Variants in TLN1 observed in about 807,000 individuals in gnomAD.
TLN1 encodes the protein talin-1.
A neutral mutation model predicts 292.3 loss-of-function variants in TLN1; 56 were observed. That is an observed-to-expected ratio of 0.19 (90% CI 0.15 to 0.24). TLN1 has a LOEUF of 0.24. Ranked by LOEUF, TLN1 falls within the 10% of genes least tolerant of loss-of-function variation. The pLI is 1.00. For missense variants in TLN1, 2,433 were observed against 3,248.2 expected, an observed-to-expected ratio of 0.75 and a Z score of 6.10; for synonymous variants, 1,119 against 1,253.7, an observed-to-expected ratio of 0.89 and a Z score of 2.27.
At chr9:35,721,928 G>T in intron 9 of TLN1, 125 bp from the exon 10 acceptor site, 1 of 1,338,800 alleles carries the variant, frequency 7.5e-7, no homozygotes, top group Non-Finnish European at 1.1e-6. Flanking sequence ...AAGGGAAAAT[G>T]CAGGGTAGGG....
Position 35,717,811 on chromosome 9 carries a change from G to T in TLN1, c.1996-25C>A, listed in dbSNP as rs760667683. The T allele has an allele frequency of 3.0e-5, 48 of 1,584,548 alleles. No individual in the cohort carries two copies. Among genetic ancestry groups the T allele is most frequent in the Non-Finnish European group, 4.0e-5 (46 of 1,158,970 alleles). ...CCTGTGAGAAAACAGCAGTTAGCAT[G>T]ACCTGAGATTGGGCTTGGGATTCAC... is the stretch of plus-strand genomic sequence containing the variant. On this transcript the variant is annotated intron_variant, in intron 17 of 56. Coordinates refer to ENST00000314888, the MANE Select transcript of TLN1 (RefSeq NM_006289.4). The surrounding 1 kb of genome is among the most constrained non-coding windows in gnomAD (Gnocchi z 4.7).
Position 35,698,532 on chromosome 9 carries a change from A to G in TLN1, c.7189-27T>C. 6.2e-7 allele frequency: 1 copy of G among 1,613,614 alleles called. No individual in the cohort carries two copies. ...TAAAGCAGGGAGAGTTTGCTTAAAA[A>G]TATGCCCCTTGCCCTGGTCCATCCC... On this transcript the variant is annotated intron_variant, in intron 54 of 56. Transcript: ENST00000314888. This position sits in a 1 kb window ranked among gnomAD's most constrained non-coding sequence, Gnocchi z 5.3.
intron 33 of TLN1, among the ~76,000 whole-genome samples, chr9:35,709,860 C>T (rs1230231223): frequency 3.4e-5 from 4 of 117,774 alleles, no homozygotes; most frequent in African/African-American, 1.4e-4. Flanking sequence ...GCACTCCAGC[C>T]TGGGCGACAG....
chr9:35,704,532 G>A lies in TLN1; in HGVS notation c.5881-34C>T. On this transcript the variant is annotated intron_variant, in intron 44 of 56. Transcript: ENST00000314888. This position sits in a 1 kb window ranked among gnomAD's most constrained non-coding sequence, Gnocchi z 6.9. The stretch of plus-strand genomic sequence containing the variant: ...GGAATGTCACATGGTGACTGTGGAA[G>A]GTGCCATGTGAAATGGAAAGGTTGC... 6.3e-7 allele frequency: 1 copy of A among 1,586,614 alleles called. No individual in the cohort carries two copies. The highest frequency in any genetic ancestry group is 8.6e-7 in the Non-Finnish European group (1 of 1,164,462).
rs771739421 is a variant in TLN1 at position 35,711,841 on chromosome 9, G to A, written c.3682-49C>T. ...GACAGAAGAGTGGGGAATGATGCAG[G>A]GAGAAGTCTGGTAAAGGAGGGCTGA... is the stretch of plus-strand genomic sequence containing the variant. On this transcript the variant is annotated intron_variant, in intron 28 of 56. Coordinates refer to ENST00000314888, the MANE Select transcript of TLN1 (RefSeq NM_006289.4). 3 of 1,610,624 alleles carry A rather than the reference G, an allele frequency of 1.9e-6. No homozygotes were observed. In the South Asian group the frequency reaches 3.3e-5, roughly 18 times the overall value.
Position 35,722,608 on chromosome 9 carries a change from C to T in TLN1, c.843+253G>A, listed in dbSNP as rs2295798. Among the ~76,000 whole-genome samples, 6 of 152,316 alleles carry T rather than the reference C, an allele frequency of 3.9e-5. No individual in the cohort carries two copies. The East Asian group carries it at 1.2e-3, about 29-fold the overall frequency. On this transcript the variant is annotated intron_variant, in intron 8 of 56. Transcript: ENST00000314888. ...CTATCAGTCCTACACGGGGCAAGTA[C>T]TGTTATCCCAAATCAGAGGTAAATA...
chr9:35,729,051 A>T (rs1462601567), intron 1 of TLN1, among the ~76,000 whole-genome samples: 1 of 106,462 alleles, frequency 9.4e-6, no homozygotes, highest in Admixed American at 1.1e-4. Flanking sequence ...ATAAAAAACA[A>T]TAGTGATCTG....
rs1008642332 is a variant in TLN1, at chr9:35,713,271, T to C, written c.3277A>G (p.Asn1093Asp). ...GCTGAGCTCACGGCTTTGGTGCTGT[T>C]GCCCAGGTCCTGGGTACACTTCTCC... The part of the protein sequence containing the change: ...TMEKCTQDLG[N>D]STKAVSSAIA... Residue 1093 changes from asparagine (N) to aspartate (D), a missense_variant, in exon 26 of 57, where the codon AAC (asparagine) becomes GAC (aspartate). Transcript: ENST00000314888. The C allele has an allele frequency of 2.5e-6, 4 of 1,596,122 alleles. No homozygotes were observed. The highest frequency in any genetic ancestry group is 3.4e-6 in the Non-Finnish European group (4 of 1,165,070).
Position 35,724,442 on chromosome 9 carries a change from A to G in TLN1, c.512-108T>C. The G allele has an allele frequency of 1.9e-6, 3 of 1,571,138 alleles. No individual in the cohort carries two copies. Among genetic ancestry groups the G allele is most frequent in the Non-Finnish European group, 2.6e-6 (3 of 1,150,808 alleles). ...CTCCCCTCACTTAAATGTAAGTCCC[A>G]TGAGTGTAGGACTTTGTTTTCTCAC... On this transcript the variant is annotated intron_variant, in intron 5 of 56. Coordinates refer to ENST00000314888, the MANE Select transcript of TLN1 (RefSeq NM_006289.4). The surrounding 1 kb of genome is among the most constrained non-coding windows in gnomAD (Gnocchi z 4.7).
rs1016628360 is a variant in TLN1 at position 35,724,824 on chromosome 9, C to T, written c.358+6G>A. The T allele has an allele frequency of 6.2e-7, 1 of 1,614,018 alleles. No homozygotes were observed. The highest frequency in any genetic ancestry group is 8.5e-7 in the Non-Finnish European group (1 of 1,180,032). On this transcript the variant is annotated splice_donor_region_variant and intron_variant, in intron 4 of 56. Coordinates refer to ENST00000314888, the MANE Select transcript of TLN1 (RefSeq NM_006289.4). The surrounding 1 kb of genome is among the most constrained non-coding windows in gnomAD (Gnocchi z 4.7). ...CCAGGCTTTCAACTGTACTAGGGCC[C>T]CTTACCAATGCGGGCACAGATGGTC...
chr9:35,716,182 C>CACA (rs937515089), intron 20 of TLN1, among the ~76,000 whole-genome samples: 4 of 136,704 alleles, frequency 2.9e-5, no homozygotes, highest in Admixed American at 7.5e-5. Flanking sequence ...ACAGTGAGAC[C>CACA]ACATCTTTAA....
At chr9:35,727,868 C>T (rs979535196) in intron 1 of TLN1, among the ~76,000 whole-genome samples, 3 of 152,162 alleles carry the variant, frequency 2.0e-5, no homozygotes, top group African/African-American at 7.2e-5. Context: ...ACCCTTACTC[C>T]CCAGCTGGTC....
In TLN1 at chr9:35,705,676, G is replaced by A. The variant is rs1009579108; in HGVS notation, c.5614-6C>T. 8.1e-6 allele frequency: 13 copies of A among 1,612,414 alleles called. No individual in the cohort carries two copies. The highest frequency in any genetic ancestry group is 9.3e-6 in the Non-Finnish European group (11 of 1,178,600). On this transcript the variant is annotated splice_region_variant and splice_polypyrimidine_tract_variant and intron_variant, in intron 42 of 56. Coordinates refer to ENST00000314888, the MANE Select transcript of TLN1 (RefSeq NM_006289.4). ...CTGGTGTTTGACTTGGTAACCTGGT[G>A]ATAATGGAACGAGTGAAGTTATATC... is the stretch of plus-strand genomic sequence containing the variant.
At chr9:35,713,171 C>T (rs1825707468) in intron 26 of TLN1, 25 bp downstream of exon 26, 1 of 1,585,892 alleles carries the variant, frequency 6.3e-7, no homozygotes, top group African/African-American at 1.3e-5. Context: ...CAATATGCCC[C>T]ATGCCTGGCT....
rs1481649683 is a variant in TLN1, at chr9:35,716,460, T to C, written c.2555A>G (p.Asn852Ser). Reference protein sequence around the residue: ...ADAEGESDLENSRKLLSAAKI... With the variant: ...ADAEGESDLESSRKLLSAAKI... ...GGCAGCACTTAAGAGCTTGCGGGAG[T>C]TCTCCAGATCACTTTCCCCCTCAGC... Residue 852 changes from asparagine to serine, a missense_variant, in exon 20 of 57, where the codon AAC (asparagine) becomes AGC (serine). By Grantham distance (46) the Asn-to-Ser change is conservative (BLOSUM62 1). This residue lies in a region of TLN1 where 617 missense variants were observed against 770.6 expected (regional missense o/e 0.80). Transcript: ENST00000314888. The C allele has an allele frequency of 6.2e-7, 1 of 1,613,926 alleles. No individual in the cohort carries two copies. The highest frequency in any genetic ancestry group is 8.5e-7 in the Non-Finnish European group (1 of 1,180,038).
rs1036689023 is a variant in TLN1 at position 35,706,999 on chromosome 9, C to T, written c.4955+73G>A. The T allele has an allele frequency of 3.7e-6, 6 of 1,608,020 alleles. No homozygotes were observed. Among genetic ancestry groups the T allele is most frequent in the Middle Eastern group, 1.7e-4 (1 of 6,018 alleles). ...CTCCCAACACCATCCCATCTCATTG[C>T]ACTCAAGTGCCCATCCTCCATTCTG... On this transcript the variant is annotated intron_variant, in intron 37 of 56. Transcript: ENST00000314888. The surrounding 1 kb of genome is among the most constrained non-coding windows in gnomAD (Gnocchi z 4.2).
chr9:35,711,017 T>G lies in TLN1; in HGVS notation c.4085A>C (p.Glu1362Ala). 1.2e-6 allele frequency: 2 copies of G among 1,614,216 alleles called. No homozygotes were observed. The highest frequency in any genetic ancestry group is 1.7e-6 in the Non-Finnish European group (2 of 1,180,028). Reference sequence around the variant, plus strand: ...CAATTCCCGCAGGGCGTTATCACACTCCTTCTGGCCGGGTGCCTGCTGGGT... The same window carrying G: ...CAATTCCCGCAGGGCGTTATCACACGCCTTCTGGCCGGGTGCCTGCTGGGT... Reference protein sequence around the residue: ...MCTQQAPGQKECDNALRELET... With the variant: ...MCTQQAPGQKACDNALRELET... The change falls in exon 31 of 57, where the codon GAG becomes GCG. Residue 1362 changes from glutamate to alanine, a missense_variant. By Grantham distance (107) the Glu-to-Ala change is moderately radical (BLOSUM62 -1). Transcript: ENST00000314888.
Position 35,717,500 on chromosome 9 carries a change from CA to C in TLN1, c.2164-61del. 1 of 1,583,304 alleles carries C rather than the reference CA, an allele frequency of 6.3e-7. No individual in the cohort carries two copies. Among genetic ancestry groups the C allele is most frequent in the Non-Finnish European group, 8.6e-7 (1 of 1,160,096 alleles). The stretch of plus-strand genomic sequence containing the variant: ...GGGAAAGGAGGTAGAGTATGCTGCT[CA>C]TAGCAGTAACTGGGATGGGTGAGGA... On this transcript the variant is annotated intron_variant, in intron 18 of 56. Coordinates refer to ENST00000314888, the MANE Select transcript of TLN1 (RefSeq NM_006289.4). The surrounding 1 kb of genome is among the most constrained non-coding windows in gnomAD (Gnocchi z 4.7).
intron 33 of TLN1, among the ~76,000 whole-genome samples, chr9:35,709,049 C>T (rs2131889292): frequency 6.6e-6 from 1 of 152,328 alleles, no homozygotes; most frequent in African/African-American, 2.4e-5. Flanking sequence ...AGTAGCTTTG[C>T]TTTTTCCTCT....
Sources: gnomAD v4.1 joint callset for allele counts (sites outside exome capture counted in the v4.1 genomes callset) on GRCh38, gnomAD v4.1.1 for gene constraint, gnomAD v4.1.1 regional missense constraint, Gnocchi (gnomAD v3.1) non-coding constraint, MANE v1.5 for transcripts, NCBI Gene and HGNC (gene_info 2026-07-23, HGNC 2026-07-21) for gene names.